The following KIF26B variants were observed in gnomAD, a reference collection of about 807,000 sequenced individuals.
The protein encoded by KIF26B is kinesin family member 26B, also known as kinesin-like protein KIF26B.
KIF26B carries 63 observed loss-of-function variants against 151.2 expected under a neutral mutation model. That is an observed-to-expected ratio of 0.42 (90% CI 0.34 to 0.51). The LOEUF (loss-of-function observed/expected upper bound fraction) is 0.51. Among genes scored for constraint, KIF26B ranks in the 20% least tolerant of loss-of-function variants. KIF26B has a pLI of 0.07. For missense variants in KIF26B, 2,813 were observed against 2,913.6 expected, an observed-to-expected ratio of 0.97 and a Z score of 0.79; for synonymous variants, 1,357 against 1,262.1, an observed-to-expected ratio of 1.08 and a Z score of -1.59.
rs570356600 is a variant in KIF26B, at chr1:245,202,890, G to A, written c.465+46207G>A. 4.5e-3 allele frequency among the ~76,000 whole-genome samples: 681 copies of A among 151,174 alleles called. 1 individual carries two copies. The highest frequency in any genetic ancestry group is 6.9e-3 in the Middle Eastern group (2 of 290). ...CAGGAGGCAGAGGTTGCAGTGAGCC[G>A]AGATCCCACTACTGCACTCCAGCCT... On this transcript the variant is annotated intron_variant, in intron 2 of 14. Transcript: ENST00000407071.
At chr1:245,192,749 G>A (rs546083484) in intron 2 of KIF26B, among the ~76,000 whole-genome samples, 2 of 152,328 alleles carry the variant, frequency 1.3e-5, no homozygotes, top group African/African-American at 2.4e-5. Flanking sequence ...TAGTATACTT[G>A]ACTTCTTCTA....
chr1:245,408,829 A>C (rs949781890), intron 3 of KIF26B, among the ~76,000 whole-genome samples: 2 of 152,080 alleles, frequency 1.3e-5, no homozygotes, highest in Non-Finnish European at 2.9e-5. Context: ...GGGCTTTTCC[A>C]CCTGGCAGAC....
chr1:245,305,936 CA>C (rs55865379), intron 2 of KIF26B, among the ~76,000 whole-genome samples: 2,203 of 86,626 alleles, frequency 0.025, 30 homozygotes, highest in African/African-American at 0.086. Flanking sequence ...GACGACTCCT[CA>C]AAAAAAAAAA....
intron 2 of KIF26B, among the ~76,000 whole-genome samples, chr1:245,261,673 C>T (rs903234228): frequency 1.3e-5 from 2 of 152,044 alleles, no homozygotes; most frequent in African/African-American, 4.8e-5. Context: ...CAGCCTCTGC[C>T]TCCTGGGCTC....
At chr1:245,366,380 A>C (rs1370600805) in intron 2 of KIF26B, among the ~76,000 whole-genome samples, 7 of 151,890 alleles carry the variant, frequency 4.6e-5, no homozygotes, top group African/African-American at 1.7e-4. Flanking sequence ...AAAGTACAAA[A>C]AATTAGCTGG....
rs1226293146 is a variant in KIF26B at position 245,602,607 on chromosome 1, T to C, written c.1381T>C (p.Leu461=). 6.2e-7 allele frequency: 1 copy of C among 1,613,484 alleles called. No homozygotes were observed. The highest frequency in any genetic ancestry group is 1.3e-5 in the African/African-American group (1 of 74,940). ...VKVMLRICST[L]ARDTSESSSF... is the part of the protein sequence containing the mutation. The stretch of plus-strand genomic sequence containing the variant: ...AGTCATGCTTCGCATCTGTTCCACC[T>C]TGGCTCGAGATACTTCAGAATCCAG... The change falls in exon 6 of 15, where the codon TTG becomes CTG. Residue 461 remains leucine, a synonymous_variant. Transcript: ENST00000407071. This position sits in a 1 kb window ranked among gnomAD's most constrained non-coding sequence, Gnocchi z 4.5.
chr1:245,185,372 C>G (rs1049414432), intron 2 of KIF26B, among the ~76,000 whole-genome samples: 2 of 152,120 alleles, frequency 1.3e-5, no homozygotes, highest in African/African-American at 2.4e-5. Flanking sequence ...CTCCTGACCT[C>G]AGGTAATCAG....
chr1:245,685,886 C>T lies in KIF26B; in HGVS notation c.2903C>T (p.Ala968Val). 1 of 1,612,910 alleles carries T rather than the reference C, an allele frequency of 6.2e-7. No individual in the cohort carries two copies. The highest frequency in any genetic ancestry group is 1.3e-5 in the African/African-American group (1 of 75,046). Residue 968 changes from alanine to valine, a missense_variant, in exon 12 of 15, where the codon GCA becomes GTA. Physicochemically the swap from Ala to Val is moderately conservative, Grantham distance 64 (BLOSUM62 0). Around this residue, in one of 3 missense-constraint regions of KIF26B, gnomAD observed 2,060 missense variants for 2,088.6 expected, o/e 0.99. Coordinates refer to ENST00000407071, the MANE Select transcript of KIF26B (RefSeq NM_018012.4). ...QASRGPRLSQ[A>V]AGASPLSESD... ...AGCAGAGGCCCCCGGTTAAGCCAAG[C>T]AGCGGGGGCAAGCCCACTCTCTGAG... is the stretch of plus-strand genomic sequence containing the variant.
chr1:245,268,314 CA>C (rs1248305811), intron 2 of KIF26B, among the ~76,000 whole-genome samples: 4 of 151,004 alleles, frequency 2.6e-5, no homozygotes, highest in East Asian at 2.0e-4. Flanking sequence ...CTAAAAAATA[CA>C]AAAAAAATTA....
intron 2 of KIF26B, among the ~76,000 whole-genome samples, chr1:245,326,912 G>A (rs1672000827): frequency 6.6e-6 from 1 of 152,240 alleles, no homozygotes; most frequent in African/African-American, 2.4e-5. Flanking sequence ...GGATTAGTGG[G>A]AACCCTTCTT....
chr1:245,449,565 G>A (rs973869113), intron 4 of KIF26B, among the ~76,000 whole-genome samples: 10 of 152,126 alleles, frequency 6.6e-5, no homozygotes, highest in African/African-American at 1.4e-4. Flanking sequence ...TGACGTGTGC[G>A]TTTCCACTTT....
At chr1:245,561,904 G>C (rs911610304) in intron 5 of KIF26B, among the ~76,000 whole-genome samples, 5 of 152,168 alleles carry the variant, frequency 3.3e-5, no homozygotes, top group African/African-American at 1.2e-4. Flanking sequence ...AGGTGGTCCT[G>C]CCTCTTCTCA....
chr1:245,449,951 G>C (rs1299072488), intron 4 of KIF26B, among the ~76,000 whole-genome samples: 1 of 152,162 alleles, frequency 6.6e-6, no homozygotes. Context: ...CTTACCCTAC[G>C]TGGAATGAGG....
intron 9 of KIF26B, among the ~76,000 whole-genome samples, chr1:245,618,130 C>T (rs7516354): frequency 0.56 from 84,663 of 151,734 alleles, 24,600 homozygotes; most frequent in East Asian, 0.87. Flanking sequence ...GCCTCTGCCA[C>T]GCTCCTCTCC....
chr1:245,344,544 T>C (rs983535252), intron 2 of KIF26B, among the ~76,000 whole-genome samples: 13 of 141,962 alleles, frequency 9.2e-5, no homozygotes, highest in Non-Finnish European at 1.8e-4. Flanking sequence ...TGTACATGAA[T>C]GTGGATAATG....
intron 2 of KIF26B, among the ~76,000 whole-genome samples, chr1:245,298,174 A>G (rs1671369663): frequency 6.6e-6 from 1 of 152,200 alleles, no homozygotes; most frequent in Non-Finnish European, 1.5e-5. Flanking sequence ...GGCATGAGCC[A>G]CCGCGCCCAG....
At chr1:245,678,723 C>T (rs191803459) in intron 10 of KIF26B, among the ~76,000 whole-genome samples, 73 of 152,026 alleles carry the variant, frequency 4.8e-4, no homozygotes, top group African/African-American at 1.4e-3. Flanking sequence ...AATTGCTGGG[C>T]GTGGTGGTGC....
intron 5 of KIF26B, among the ~76,000 whole-genome samples, chr1:245,574,236 C>T (rs574289200): frequency 3.9e-5 from 6 of 152,194 alleles, no homozygotes; most frequent in South Asian, 4.2e-4. Flanking sequence ...CTCCACCTCC[C>T]GGGTTCAAGC....
chr1:245,559,011 G>A (rs570162564), intron 5 of KIF26B, among the ~76,000 whole-genome samples: 10 of 152,302 alleles, frequency 6.6e-5, no homozygotes, highest in Non-Finnish European at 7.4e-5. Flanking sequence ...GAACACCATC[G>A]TGTGTTTTCT....
Sources: gnomAD v4.1 joint callset for allele counts (sites outside exome capture counted in the v4.1 genomes callset) on GRCh38, gnomAD v4.1.1 for gene constraint, gnomAD v4.1.1 regional missense constraint, Gnocchi (gnomAD v3.1) non-coding constraint, MANE v1.5 for transcripts, NCBI Gene and HGNC (gene_info 2026-07-23, HGNC 2026-07-21) for gene names.